UNC5C: variants seen among roughly 807,000 people sequenced by gnomAD.
UNC5C encodes the protein netrin receptor UNC5C.
UNC5C carries 47 observed loss-of-function variants against 99.8 expected under a neutral mutation model. That is an observed-to-expected ratio of 0.47 (90% CI 0.37 to 0.60). UNC5C has a LOEUF of 0.60. Ranked by LOEUF, UNC5C falls within the 20% of genes least tolerant of loss-of-function variation. UNC5C has a pLI of 0.00. For missense variants in UNC5C, 1,062 were observed against 1,165.9 expected, an observed-to-expected ratio of 0.91 and a Z score of 1.30; for synonymous variants, 487 against 452.2, an observed-to-expected ratio of 1.08 and a Z score of -0.98.
chr4:95,349,269 A>G (rs1343592623), intron 1 of UNC5C, among the ~76,000 whole-genome samples: 3 of 149,716 alleles, frequency 2.0e-5, no homozygotes, highest in Non-Finnish European at 4.5e-5. Flanking sequence ...TGAACCCACA[A>G]AAATTACAAA....
At chr4:95,467,144 G>A (rs1747807427) in intron 1 of UNC5C, among the ~76,000 whole-genome samples, 1 of 152,148 alleles carries the variant, frequency 6.6e-6, no homozygotes. Context: ...CCTGCTGACA[G>A]GTTAACTGCT....
intron 1 of UNC5C, among the ~76,000 whole-genome samples, chr4:95,339,900 T>A (rs547986331): frequency 6.6e-6 from 1 of 152,258 alleles, no homozygotes; most frequent in African/African-American, 2.4e-5. Context: ...GATTTAGATG[T>A]AACGCTATTA....
intron 2 of UNC5C, among the ~76,000 whole-genome samples, chr4:95,320,422 C>CAAAAAA (rs34842898): frequency 1.1e-5 from 1 of 94,958 alleles, no homozygotes; most frequent in African/African-American, 4.0e-5. Context: ...AATTCCATCT[C>CAAAAAA]AAAAAAAAAA....
chr4:95,326,111 A>C (rs1364672513), intron 2 of UNC5C, among the ~76,000 whole-genome samples: 2 of 152,112 alleles, frequency 1.3e-5, no homozygotes, highest in South Asian at 2.1e-4. Flanking sequence ...AGAGCCTCAG[A>C]TTCCTAATTT....
chr4:95,216,675 T>C (rs1257066558), intron 9 of UNC5C, among the ~76,000 whole-genome samples: 1 of 152,200 alleles, frequency 6.6e-6, no homozygotes, highest in Non-Finnish European at 1.5e-5. Flanking sequence ...TAAGAATTGG[T>C]GAAGACCTTT....
At chr4:95,265,408 ATTC>A (rs1203478839) in intron 4 of UNC5C, among the ~76,000 whole-genome samples, 1 of 152,226 alleles carries the variant, frequency 6.6e-6, no homozygotes, top group East Asian at 1.9e-4. Context: ...CTCCAGTCTT[ATTC>A]TTCTTCAATA....
At chr4:95,469,900 T>C (rs904574955) in intron 1 of UNC5C, among the ~76,000 whole-genome samples, 1 of 152,126 alleles carries the variant, frequency 6.6e-6, no homozygotes, top group Non-Finnish European at 1.5e-5. Flanking sequence ...TCAAAGAGTG[T>C]TTTTAGTGGA....
intron 12 of UNC5C, among the ~76,000 whole-genome samples, chr4:95,194,524 T>C (rs983364631): frequency 2.0e-5 from 3 of 152,282 alleles, no homozygotes; most frequent in Admixed American, 2.0e-4. Context: ...GTACTGGGTC[T>C]TCTCCACCTT....
chr4:95,328,040 CTT>C (rs34794058), intron 2 of UNC5C, among the ~76,000 whole-genome samples: 1 of 87,098 alleles, frequency 1.1e-5, no homozygotes, highest in African/African-American at 4.0e-5. Context: ...CAGGCAACTT[CTT>C]TTTTTTTTTT....
intron 2 of UNC5C, among the ~76,000 whole-genome samples, chr4:95,323,864 C>T (rs931092384): frequency 5.3e-5 from 8 of 151,980 alleles, no homozygotes; most frequent in African/African-American, 1.7e-4. Context: ...GGTGAAACCC[C>T]GTCTCTACTA....
intron 3 of UNC5C, among the ~76,000 whole-genome samples, chr4:95,281,805 G>A (rs2149395582): frequency 6.6e-6 from 1 of 152,282 alleles, no homozygotes; most frequent in South Asian, 2.1e-4. Context: ...AAGTATAGTA[G>A]TCTAGATCAT....
chr4:95,189,133 T>C (rs1736961708), intron 12 of UNC5C, among the ~76,000 whole-genome samples: 1 of 152,200 alleles, frequency 6.6e-6, no homozygotes, highest in Non-Finnish European at 1.5e-5. Context: ...AACCTGAACG[T>C]CAAGTTCCTT....
At chr4:95,188,533 T>C (rs1736926804) in intron 12 of UNC5C, among the ~76,000 whole-genome samples, 1 of 152,244 alleles carries the variant, frequency 6.6e-6, no homozygotes, top group African/African-American at 2.4e-5. Context: ...AGGCTTTGTC[T>C]TGTGTTACCA....
chr4:95,360,428 T>C (rs11735824), intron 1 of UNC5C, among the ~76,000 whole-genome samples: 53,633 of 151,952 alleles, frequency 0.35, 10,854 homozygotes, highest in African/African-American at 0.54. Flanking sequence ...AATTGTTAAC[T>C]GCTCCACAGA....
At chr4:95,204,984 C>T (rs900017629) in intron 11 of UNC5C, among the ~76,000 whole-genome samples, 1 of 119,348 alleles carries the variant, frequency 8.4e-6, no homozygotes, top group African/African-American at 3.3e-5. Context: ...AAGCTCAGAA[C>T]CTCCAGGTTT....
intron 1 of UNC5C, among the ~76,000 whole-genome samples, chr4:95,484,388 C>T (rs1256563891): frequency 6.6e-6 from 1 of 151,778 alleles, no homozygotes; most frequent in Admixed American, 6.6e-5. Flanking sequence ...ATTATGAATG[C>T]CCAGTAGTAT....
At chr4:95,539,938 T>TA (rs1050897988) in intron 1 of UNC5C, among the ~76,000 whole-genome samples, 18 of 150,052 alleles carry the variant, frequency 1.2e-4, no homozygotes, top group Middle Eastern at 3.4e-3. Context: ...TTTTTTTTTT[T>TA]ACCATGTAAT....
intron 1 of UNC5C, among the ~76,000 whole-genome samples, chr4:95,486,799 T>C (rs1721340445): frequency 2.6e-5 from 4 of 151,520 alleles, no homozygotes; most frequent in Admixed American, 2.6e-4. Context: ...CACAATGTAC[T>C]ATGAAAATTG....
chr4:95,227,703 CAG>C (rs1738751203), intron 7 of UNC5C, among the ~76,000 whole-genome samples: 1 of 152,114 alleles, frequency 6.6e-6, no homozygotes. Flanking sequence ...TATGAGGAGA[CAG>C]AGTCTCAAAG....
Sources: gnomAD v4.1 joint callset for allele counts (sites outside exome capture counted in the v4.1 genomes callset) on GRCh38, gnomAD v4.1.1 for gene constraint, MANE v1.5 for transcripts, NCBI Gene and HGNC (gene_info 2026-07-23, HGNC 2026-07-21) for gene names.